LTBP1: variants seen among roughly 807,000 people sequenced by gnomAD.
The protein encoded by LTBP1 is latent-transforming growth factor beta-binding protein 1.
Under a neutral mutation model 207.6 loss-of-function variants are expected in LTBP1, and 129 were observed. The observed-to-expected ratio is 0.62, with a 90% CI of 0.54 to 0.72. The LOEUF (loss-of-function observed/expected upper bound fraction) is 0.72. Ranked by LOEUF, LTBP1 falls within the 30% of genes least tolerant of loss-of-function variation. The pLI is 0.00. For synonymous variants in LTBP1, 963 were observed against 833.7 expected (o/e 1.16, Z -2.67); for missense variants, 2,281 against 2,217.2 (o/e 1.03, Z -0.58).
chr2:33,284,354 A>G (rs754304632), intron 19 of LTBP1, among the ~76,000 whole-genome samples: 3 of 152,174 alleles, frequency 2.0e-5, no homozygotes, highest in Non-Finnish European at 4.4e-5. Context: ...TTCAGACTGT[A>G]CCTAACACAC....
At chr2:33,234,557 T>G (rs1201109750) in intron 9 of LTBP1, among the ~76,000 whole-genome samples, 1 of 151,984 alleles carries the variant, frequency 6.6e-6, no homozygotes, top group Non-Finnish European at 1.5e-5. Flanking sequence ...AAACCACTGC[T>G]CAAAGAAATA....
intron 16 of LTBP1, among the ~76,000 whole-genome samples, chr2:33,274,046 T>G (rs1426326896): frequency 1.3e-5 from 2 of 152,294 alleles, no homozygotes; most frequent in East Asian, 3.9e-4. Context: ...TTGGGTAAAG[T>G]AAACAAAATA....
intron 3 of LTBP1, among the ~76,000 whole-genome samples, chr2:33,062,394 C>T (rs1318389788): frequency 6.6e-6 from 1 of 152,048 alleles, no homozygotes; most frequent in Non-Finnish European, 1.5e-5. Context: ...AAGATATTTT[C>T]CTATGATTTC....
At chr2:33,364,082 G>A (rs2094956339) in intron 29 of LTBP1, 134 bp from the exon 30 acceptor site, 3 of 728,830 alleles carry the variant, frequency 4.1e-6, no homozygotes, top group Non-Finnish European at 6.6e-6. Flanking sequence ...TCTTTTGGAT[G>A]ATAATGTGTG....
At chr2:33,309,156 G>A (rs563020804) in intron 22 of LTBP1, among the ~76,000 whole-genome samples, 2 of 151,686 alleles carry the variant, frequency 1.3e-5, no homozygotes, top group East Asian at 1.9e-4. Flanking sequence ...GGTGGTGGGC[G>A]CCTATAATCC....
At chr2:32,964,994 C>T (rs1023769645) in intron 2 of LTBP1, among the ~76,000 whole-genome samples, 1 of 151,860 alleles carries the variant, frequency 6.6e-6, no homozygotes, top group South Asian at 2.1e-4. Flanking sequence ...GAGCTGAGAT[C>T]GCGCCATTGC....
chr2:32,947,431 C>T lies in LTBP1; in HGVS notation c.107C>T (p.Pro36Leu). The T allele has an allele frequency of 6.9e-7, 1 of 1,441,584 alleles. No individual in the cohort carries two copies. Among genetic ancestry groups the T allele is most frequent in the Non-Finnish European group, 9.1e-7 (1 of 1,100,094 alleles). 89.3% of individuals were successfully genotyped at this position (1,441,584 alleles called of 1,614,324 possible). A position where few individuals can be genotyped will look rare whatever the true frequency, so the allele number is the denominator to read the frequency against. Residue 36 changes from proline to leucine, a missense_variant, in exon 1 of 34, where the codon CCC becomes CTC. By Grantham distance (98) the Pro-to-Leu change is moderately conservative. Transcript: ENST00000404816. The part of the protein sequence containing the change: ...RRITYVVHPG[P>L]GLAAGALPLS... ...ATCACCTACGTGGTGCACCCGGGCCCCGGCCTGGCAGCCGGCGCCTTGCCC... is the reference window on the plus strand; with the variant it reads ...ATCACCTACGTGGTGCACCCGGGCCTCGGCCTGGCAGCCGGCGCCTTGCCC...
At chr2:33,161,713 A>T (rs2084484753) in intron 5 of LTBP1, among the ~76,000 whole-genome samples, 1 of 152,222 alleles carries the variant, frequency 6.6e-6, no homozygotes, top group Non-Finnish European at 1.5e-5. Context: ...GCAAAAGATT[A>T]ATATATTTTA....
intron 9 of LTBP1, among the ~76,000 whole-genome samples, chr2:33,241,208 C>A (rs2092311372): frequency 6.6e-6 from 1 of 152,098 alleles, no homozygotes; most frequent in Non-Finnish European, 1.5e-5. Flanking sequence ...GTTCTTCGGG[C>A]CAAAATTAGG....
At chr2:33,107,153 A>G (rs1558645314) in intron 3 of LTBP1, among the ~76,000 whole-genome samples, 1 of 152,250 alleles carries the variant, frequency 6.6e-6, no homozygotes, top group Non-Finnish European at 1.5e-5. Context: ...CTTAGAAGAG[A>G]ACACGTCAGG....
At chr2:33,262,967 G>C in intron 14 of LTBP1, 146 bp downstream of exon 14, 1 of 541,662 alleles carries the variant, frequency 1.8e-6, no homozygotes, top group Non-Finnish European at 3.3e-6. Context: ...CTTATATAAT[G>C]TTAGCATAAT....
rs191109367 is a variant in LTBP1 at position 32,989,555 on chromosome 2, T to A, written c.566-31354T>A. 1.1e-4 allele frequency among the ~76,000 whole-genome samples: 17 copies of A among 152,336 alleles called. No individual in the cohort carries two copies. In the East Asian group the frequency reaches 3.1e-3, roughly 28 times the overall value. Reference sequence around the variant, plus strand: ...CCCGTGGATCAAATTCTACTTGGAATAGCACTGTGGTAATGTGGACAAGGA... The same window carrying A: ...CCCGTGGATCAAATTCTACTTGGAAAAGCACTGTGGTAATGTGGACAAGGA... On this transcript the variant is annotated intron_variant, in intron 2 of 33. Transcript: ENST00000404816.
intron 7 of LTBP1, among the ~76,000 whole-genome samples, chr2:33,206,422 G>T (rs2089881589): frequency 6.6e-6 from 1 of 152,066 alleles, no homozygotes; most frequent in Non-Finnish European, 1.5e-5. Context: ...TAATATAGAA[G>T]ATTTATCTCA....
chr2:33,267,432 ATGG>A (rs1342585793), intron 15 of LTBP1, among the ~76,000 whole-genome samples: 1 of 152,170 alleles, frequency 6.6e-6, no homozygotes, highest in African/African-American at 2.4e-5. Context: ...TGACAAAATG[ATGG>A]TGATTTTTTT....
At position 33,397,137 on chromosome 2, in the gene LTBP1, T is replaced by C; in HGVS notation, c.4839T>C (p.Phe1613=). 1 of 1,613,564 alleles carries C rather than the reference T, an allele frequency of 6.2e-7. No individual in the cohort carries two copies. The highest frequency in any genetic ancestry group is 8.5e-7 in the Non-Finnish European group (1 of 1,179,632). ...EADPYFIQDR[F]LNSFEELQAE... is the part of the protein sequence containing the mutation. ...CTTCTGCCCTTTCCTTTCCAGGTTT[T>C]CTAAATAGCTTTGAGGAGTTACAGG... is the stretch of plus-strand genomic sequence containing the variant. The change falls in exon 33 of 34, where the codon TTT becomes TTC. Residue 1613 remains phenylalanine (F), a synonymous_variant. Transcript: ENST00000404816.
At chr2:33,000,593 G>A (rs78596393) in intron 2 of LTBP1, among the ~76,000 whole-genome samples, 3,519 of 135,412 alleles carry the variant, frequency 0.026, 634 homozygotes, top group African/African-American at 0.084. Flanking sequence ...ACTGGACTGT[G>A]TGTAAGGCGG....
intron 24 of LTBP1, among the ~76,000 whole-genome samples, chr2:33,324,869 T>TTTTG (rs1299360250): frequency 6.6e-6 from 1 of 151,976 alleles, no homozygotes; most frequent in Non-Finnish European, 1.5e-5. Flanking sequence ...ACCCGACTAA[T>TTTTG]TTTGTTTGTT....
intron 2 of LTBP1, among the ~76,000 whole-genome samples, chr2:32,951,925 C>G (rs1677173222): frequency 6.6e-6 from 1 of 152,172 alleles, no homozygotes; most frequent in African/African-American, 2.4e-5. Flanking sequence ...CAATGATACG[C>G]CCACATGAAG....
rs141637960 is a variant in LTBP1 at position 33,159,911 on chromosome 2, T to C, written c.1201+24951T>C. Among the ~76,000 whole-genome samples the C allele has an allele frequency of 2.7e-3, 411 of 152,314 alleles. 2 individuals are homozygous for C. Among genetic ancestry groups the C allele is most frequent in the South Asian group, 0.016 (75 of 4,816 alleles). ...TTTTATTTATTTTTGAGATGGAGTC[T>C]CGCTCTGTTGCCCAGGCTGGAGTGC... is the stretch of plus-strand genomic sequence containing the variant. On this transcript the variant is annotated intron_variant, in intron 5 of 33. Transcript: ENST00000404816.
Sources: allele counts gnomAD v4.1 joint callset (sites outside exome capture counted in the v4.1 genomes callset), GRCh38; gene constraint gnomAD v4.1.1; transcripts MANE v1.5; gene names NCBI Gene and HGNC (gene_info 2026-07-23, HGNC 2026-07-21).